NELL1: variants seen among roughly 807,000 people sequenced by gnomAD.
The protein encoded by NELL1 is protein kinase C-binding protein NELL1.
In NELL1, 76 loss-of-function variants were observed where a neutral mutation model predicts 107.4. The observed-to-expected ratio is 0.71, with a 90% CI of 0.59 to 0.86. The LOEUF is 0.86. Among genes scored for constraint, NELL1 ranks in the 40% least tolerant of loss-of-function variants. NELL1 has a pLI of 0.00. For missense variants in NELL1, 1,024 were observed against 1,005.5 expected (o/e 1.02, Z -0.25); for synonymous variants, 353 against 341.2 (o/e 1.03, Z -0.38).
chr11:20,853,623 A>C (rs768858755), intron 4 of NELL1, among the ~76,000 whole-genome samples: 6 of 152,250 alleles, frequency 3.9e-5, no homozygotes, highest in Non-Finnish European at 7.3e-5. Context: ...GTATACCATC[A>C]TATAGAGAAG....
intron 12 of NELL1, among the ~76,000 whole-genome samples, chr11:21,105,872 T>G (rs1403516303): frequency 3.0e-5 from 1 of 33,886 alleles, no homozygotes; most frequent in Non-Finnish European, 4.9e-5. Flanking sequence ...CCCCCTCCCC[T>G]TCCTCTCTCC....
chr11:21,539,573 C>T (rs369072532), intron 16 of NELL1, among the ~76,000 whole-genome samples: 47 of 151,776 alleles, frequency 3.1e-4, no homozygotes, highest in African/African-American at 1.0e-3. Context: ...TGGAGTTTGA[C>T]TGTCCAGCAG....
chr11:20,692,490 T>G (rs1358943833), intron 2 of NELL1, among the ~76,000 whole-genome samples: 5 of 151,820 alleles, frequency 3.3e-5, no homozygotes, highest in Non-Finnish European at 5.9e-5. Context: ...GTTGTGTCTT[T>G]GTTCTCGTTG....
At chr11:20,789,049 A>G (rs1857024010) in intron 3 of NELL1, among the ~76,000 whole-genome samples, 1 of 152,160 alleles carries the variant, frequency 6.6e-6, no homozygotes, top group Admixed American at 6.5e-5. Flanking sequence ...GACCATAAAT[A>G]TGAGGGCTTA....
intron 10 of NELL1, among the ~76,000 whole-genome samples, chr11:20,940,022 G>A (rs1850815315): frequency 6.6e-6 from 1 of 152,130 alleles, no homozygotes. Context: ...GCAATCTGGT[G>A]GCTGCTGCAG....
chr11:20,674,330 A>C (rs1853995693), intron 1 of NELL1, among the ~76,000 whole-genome samples: 1 of 152,186 alleles, frequency 6.6e-6, no homozygotes, highest in African/African-American at 2.4e-5. Flanking sequence ...AACTGGTCTT[A>C]TTAAAGACAG....
rs146401811 is a variant in NELL1, at chr11:21,024,599, G to A, written c.1300+64039G>A. ...TACAAGAATGCCTGGCATAGTAAGA[G>A]CTCAGTGACATTTAGCTTTTATTTG... is the stretch of plus-strand genomic sequence containing the variant. On this transcript the variant is annotated intron_variant, in intron 12 of 19. Transcript: ENST00000357134. 7.8e-3 allele frequency among the ~76,000 whole-genome samples: 1,195 copies of A among 152,240 alleles called. 12 individuals are homozygous for A. Among genetic ancestry groups the A allele is most frequent in the Non-Finnish European group, 0.01 (708 of 67,994 alleles).
At chr11:21,459,000 A>G (rs985278766) in intron 15 of NELL1, among the ~76,000 whole-genome samples, 20 of 152,094 alleles carry the variant, frequency 1.3e-4, no homozygotes, top group African/African-American at 4.3e-4. Context: ...AAGCAAACCA[A>G]GGCACAGCAA....
At position 20,718,607 on chromosome 11, in the gene NELL1, G is replaced by A. The variant is rs537261514; in HGVS notation, c.184+40547G>A. Among the ~76,000 whole-genome samples, 7 of 152,132 alleles carry A rather than the reference G, an allele frequency of 4.6e-5. No individual in the cohort carries two copies. The East Asian group carries it at 1.2e-3, about 25-fold the overall frequency. On this transcript the variant is annotated intron_variant, in intron 2 of 19. Coordinates refer to ENST00000357134, the MANE Select transcript of NELL1 (RefSeq NM_006157.5). ...GCTCTCAAGGGTCTTCCTCTTTTAG[G>A]TGTCAAACCTAAAACATTTCTTCAA...
intron 2 of NELL1, among the ~76,000 whole-genome samples, chr11:20,733,132 T>C (rs766500182): frequency 2.0e-5 from 3 of 152,158 alleles, no homozygotes; most frequent in Non-Finnish European, 2.9e-5. Flanking sequence ...GTGTGTTAGC[T>C]CCCCGCTTCC....
chr11:20,931,845 A>G (rs946569343), intron 9 of NELL1, among the ~76,000 whole-genome samples: 2 of 152,066 alleles, frequency 1.3e-5, no homozygotes, highest in African/African-American at 4.8e-5. Context: ...GAATTTAAAG[A>G]AAAATTCCCA....
chr11:20,824,448 A>T (rs1409263858), intron 3 of NELL1, among the ~76,000 whole-genome samples: 1 of 151,214 alleles, frequency 6.6e-6, no homozygotes, highest in Non-Finnish European at 1.5e-5. Context: ...CAGGGGTTGG[A>T]ACAGTTTGGA....
In NELL1 at chr11:20,892,716, G is replaced by A. The variant is rs182550371; in HGVS notation, c.603+7176G>A. ...GAGGCCGAGGTGGGTGGATCATGAGGTCAGGAGTTCAAGACCAGCCTGACC... is the reference window on the plus strand; with the variant it reads ...GAGGCCGAGGTGGGTGGATCATGAGATCAGGAGTTCAAGACCAGCCTGACC... On this transcript the variant is annotated intron_variant, in intron 5 of 19. Transcript: ENST00000357134. Among the ~76,000 whole-genome samples the A allele has an allele frequency of 4.6e-3, 706 of 152,332 alleles. 7 individuals are homozygous for A. The highest frequency in any genetic ancestry group is 0.016 in the African/African-American group (681 of 41,588).
chr11:21,240,504 G>C (rs916593452), intron 14 of NELL1, among the ~76,000 whole-genome samples: 1 of 151,908 alleles, frequency 6.6e-6, no homozygotes, highest in Non-Finnish European at 1.5e-5. Flanking sequence ...TCTCAAACTA[G>C]AGAATAAAAC....
chr11:21,517,909 A>G (rs909811085), intron 15 of NELL1, among the ~76,000 whole-genome samples: 2 of 151,946 alleles, frequency 1.3e-5, no homozygotes, highest in East Asian at 3.9e-4. Flanking sequence ...CCTGGCTCCA[A>G]CCTTTTCAAG....
chr11:20,763,935 C>G (rs1314075719), intron 2 of NELL1, among the ~76,000 whole-genome samples: 2 of 152,220 alleles, frequency 1.3e-5, no homozygotes, highest in Non-Finnish European at 2.9e-5. Context: ...AGCCAGGTAA[C>G]AGCTGAGTGA....
In NELL1 at chr11:21,327,251, C is replaced by T. The variant is rs1021656515; in HGVS notation, c.1550-43602C>T. Among the ~76,000 whole-genome samples, 36 of 148,048 alleles carry T rather than the reference C, an allele frequency of 2.4e-4. 2 individuals are homozygous for T. Among genetic ancestry groups the T allele is most frequent in the African/African-American group, 4.2e-4 (17 of 40,054 alleles). On this transcript the variant is annotated intron_variant, in intron 14 of 19. Coordinates refer to ENST00000357134, the MANE Select transcript of NELL1 (RefSeq NM_006157.5). ...TGGAGATATACCTAATGTTAAATGACGAGTTACTGGGTGCAGCACACCAAC... is the reference window on the plus strand; with the variant it reads ...TGGAGATATACCTAATGTTAAATGATGAGTTACTGGGTGCAGCACACCAAC...
In NELL1 at chr11:21,561,053, T is replaced by C. The variant is rs1439355303; in HGVS notation, c.1980+671T>C. ...ACTGTTTGATCTCTTTGTGCTTTAT[T>C]TCTTCTTTTATTGATCTTGCCTATT... On this transcript the variant is annotated intron_variant, in intron 17 of 19. Transcript: ENST00000357134. Among the ~76,000 whole-genome samples, 3 of 152,244 alleles carry C rather than the reference T, an allele frequency of 2.0e-5. No individual in the cohort carries two copies. The East Asian group carries it at 5.8e-4, about 30-fold the overall frequency.
intron 15 of NELL1, among the ~76,000 whole-genome samples, chr11:21,516,552 C>A (rs906060124): frequency 2.0e-5 from 3 of 152,142 alleles, no homozygotes; most frequent in African/African-American, 7.2e-5. Context: ...GTGGTACAGC[C>A]TATTGCTCCT....
Sources: gnomAD v4.1 joint callset for allele counts (sites outside exome capture counted in the v4.1 genomes callset) on GRCh38, gnomAD v4.1.1 for gene constraint, MANE v1.5 for transcripts, NCBI Gene and HGNC (gene_info 2026-07-23, HGNC 2026-07-21) for gene names.